DMD: variants seen among roughly 807,000 people sequenced by gnomAD.
DMD encodes the protein dystrophin, also known as mutant dystrophin.
DMD carries 63 observed loss-of-function variants against 330.1 expected under a neutral mutation model. The ratio of observed to expected loss-of-function variants is 0.19; its 90% CI spans 0.16 to 0.24. DMD has a LOEUF of 0.24. Ranked by LOEUF, DMD falls within the 10% of genes least tolerant of loss-of-function variation. The probability of loss-of-function intolerance (pLI) is 1.00; values close to 1 mark genes in which losing one functional copy is unlikely to be tolerated. For missense variants in DMD, 3,344 were observed against 2,684.1 expected, an observed-to-expected ratio of 1.25 and a Z score of -5.43; for synonymous variants, 1,223 against 959.8, an observed-to-expected ratio of 1.27 and a Z score of -5.07.
At chrX:33,116,215 A>G (rs1403474562) in intron 1 of DMD, among the ~76,000 whole-genome samples, 1 of 109,582 alleles carries the variant, frequency 9.1e-6, no homozygotes, top group Non-Finnish European at 1.9e-5. Flanking sequence ...ACAACGACAA[A>G]AAACCACAGG....
chrX:31,498,450 C>A (rs2070089791), intron 56 of DMD, among the ~76,000 whole-genome samples: 1 of 111,797 alleles, frequency 8.9e-6, no homozygotes, highest in South Asian at 3.7e-4. Flanking sequence ...CAGTAAAATC[C>A]TTTGCAAGGT....
At chrX:31,381,511 ACT>A (rs2060180015) in intron 60 of DMD, among the ~76,000 whole-genome samples, 1 of 110,164 alleles carries the variant, frequency 9.1e-6, no homozygotes, top group Non-Finnish European at 1.9e-5. Flanking sequence ...AGCTGTACTC[ACT>A]CTTTGTTGAG....
Position 31,337,419 on chromosome X carries a change from T to C in DMD, c.9163+11137A>G, listed in dbSNP as rs895683748. Among the ~76,000 whole-genome samples, 3 of 112,139 alleles carry C rather than the reference T, an allele frequency of 2.7e-5. No individual in the cohort carries two copies. The Admixed American group carries it at 2.8e-4, about 11-fold the overall frequency. On this transcript the variant is annotated intron_variant, in intron 61 of 78. Coordinates refer to ENST00000357033, the MANE Select transcript of DMD (RefSeq NM_004006.3). ...GAATGGTTTTTAAACCAGGAACAGT[T>C]TATGTAAGTCTACTAAAGAACAAAA...
chrX:32,486,232 C>G (rs1022239824), intron 20 of DMD, among the ~76,000 whole-genome samples: 5 of 111,270 alleles, frequency 4.5e-5, no homozygotes, highest in Admixed American at 1.9e-4. Flanking sequence ...AATTTAGATG[C>G]ATGAAATTAC....
intron 2 of DMD, among the ~76,000 whole-genome samples, chrX:32,870,519 C>CT (rs1442195041): frequency 8.9e-6 from 1 of 111,848 alleles, no homozygotes; most frequent in African/African-American, 3.2e-5. Context: ...CTAATGCTAC[C>CT]TGACTTCAGA....
intron 44 of DMD, among the ~76,000 whole-genome samples, chrX:31,999,814 G>A (rs1236304747): frequency 9.0e-6 from 1 of 111,418 alleles, no homozygotes; most frequent in Non-Finnish European, 1.9e-5. Flanking sequence ...GGGATCATAT[G>A]GGCTAAAATT....
chrX:32,642,260 A>G (rs2059515537), intron 11 of DMD, among the ~76,000 whole-genome samples: 1 of 112,311 alleles, frequency 8.9e-6, no homozygotes, highest in African/African-American at 3.2e-5. Context: ...ATTTTCCAGA[A>G]AAGTCTATGT....
intron 7 of DMD, among the ~76,000 whole-genome samples, chrX:32,763,257 C>T (rs1462356224): frequency 8.9e-6 from 1 of 112,146 alleles, no homozygotes; most frequent in East Asian, 2.8e-4. Context: ...AATCGTTATA[C>T]TTTTAAATCA....
intron 57 of DMD, among the ~76,000 whole-genome samples, chrX:31,482,947 C>T (rs779041727): frequency 9.2e-6 from 1 of 108,424 alleles, no homozygotes. Context: ...CTCAGGAAAA[C>T]GAGGAAAGTT....
In DMD at chrX:31,320,759, TAC is replaced by T. The variant is rs753992799; in HGVS notation, c.9224+2837_9224+2838del. ...TTCCCTATATTACAGTTTAACATTT[TAC>T]ACTCATATTTGAGAAATTATACCAT... is the stretch of plus-strand genomic sequence containing the variant. On this transcript the variant is annotated intron_variant, in intron 62 of 78. Transcript: ENST00000357033. Among the ~76,000 whole-genome samples the T allele has an allele frequency of 3.1e-3, 345 of 112,500 alleles. 2 individuals carry two copies. Among genetic ancestry groups the T allele is most frequent in the Middle Eastern group, 4.6e-3 (1 of 219 alleles).
chrX:33,276,493 T>A (rs1415011996), intron 1 of DMD, among the ~76,000 whole-genome samples: 1 of 111,038 alleles, frequency 9.0e-6, no homozygotes, highest in Non-Finnish European at 1.9e-5. Flanking sequence ...AATCATGAAG[T>A]CTAAAAGTCC....
intron 1 of DMD, among the ~76,000 whole-genome samples, chrX:33,160,176 G>C (rs191830699): frequency 8.9e-6 from 1 of 112,073 alleles, no homozygotes; most frequent in Admixed American, 9.5e-5. Context: ...GATTAAGGTA[G>C]GCTAGTCTAA....
At chrX:31,148,593 G>A (rs1041082326) in intron 74 of DMD, among the ~76,000 whole-genome samples, 1 of 112,161 alleles carries the variant, frequency 8.9e-6, no homozygotes, top group Non-Finnish European at 1.9e-5. Flanking sequence ...TTGGATCTTA[G>A]CAACATCTTC....
At chrX:32,049,535 C>A (rs1376624766) in intron 44 of DMD, among the ~76,000 whole-genome samples, 1 of 111,202 alleles carries the variant, frequency 9.0e-6, no homozygotes, top group Non-Finnish European at 1.9e-5. Flanking sequence ...TTCCTTATCC[C>A]TTCAGAGTCT....
At chrX:33,328,880 T>C (rs1476512134) in intron 1 of DMD, among the ~76,000 whole-genome samples, 1 of 111,592 alleles carries the variant, frequency 9.0e-6, no homozygotes, top group Non-Finnish European at 1.9e-5. Flanking sequence ...AAATTCTAAG[T>C]TCCTATAAAA....
At chrX:31,968,317 C>T in intron 45 of DMD, 22 bp downstream of exon 45, 1 of 1,206,155 alleles carries the variant, frequency 8.3e-7, no homozygotes, top group Non-Finnish European at 1.1e-6. Context: ...TGTTTTCATT[C>T]CTATTAGATC....
chrX:32,922,684 G>A, intron 2 of DMD, among the ~76,000 whole-genome samples: 1 of 112,511 alleles, frequency 8.9e-6, no homozygotes, highest in South Asian at 3.7e-4. Flanking sequence ...CTTGCCCGGG[G>A]CTCACTTCCT....
intron 62 of DMD, among the ~76,000 whole-genome samples, chrX:31,309,454 G>C (rs2055304503): frequency 8.9e-6 from 1 of 111,899 alleles, no homozygotes; most frequent in Admixed American, 9.5e-5. Flanking sequence ...CCTAAAACTT[G>C]GGACAAGATG....
chrX:31,361,871 G>T (rs1183677119), intron 60 of DMD, among the ~76,000 whole-genome samples: 4 of 106,624 alleles, frequency 3.8e-5, no homozygotes, highest in Non-Finnish European at 7.7e-5. Flanking sequence ...CCAGGTTCAA[G>T]CAATTCTCCT....
Sources: allele counts gnomAD v4.1 joint callset (sites outside exome capture counted in the v4.1 genomes callset), GRCh38; gene constraint gnomAD v4.1.1; transcripts MANE v1.5; gene names NCBI Gene and HGNC (gene_info 2026-07-23, HGNC 2026-07-21).